The following JRK variants were observed in gnomAD, a reference collection of about 807,000 sequenced individuals.
JRK encodes the protein jerky protein homolog.
For missense variants in JRK, 720 were observed against 509.2 expected (o/e 1.41, Z -3.98); for synonymous variants, 303 against 218.1 (o/e 1.39, Z -3.43).
rs1460890092 is a variant in JRK, at chr8:142,658,483, T to A, written c.*5869A>T. The A allele has an allele frequency of 5.6e-6, 1 of 178,536 alleles. No individual in the cohort carries two copies. Among genetic ancestry groups the A allele is most frequent in the East Asian group, 1.6e-4 (1 of 6,326 alleles). 11.1% of individuals were successfully genotyped at this position (178,536 alleles called of 1,614,324 possible). On this transcript the variant is annotated 3_prime_UTR_variant, in exon 2 of 2. Coordinates refer to ENST00000612905, the MANE Select transcript of JRK (RefSeq NM_003724.4). The stretch of plus-strand genomic sequence containing the variant: ...CAATCCTAATGCCTTGGCCTTCCAG[T>A]GCTGGGATTACAGGCGTGAGCCACT...
chr8:142,666,579 GTCCTCACGACTC>G (rs1422467677), intron 1 of JRK, 59 bp from the exon 2 acceptor site: 15 of 220,230 alleles, frequency 6.8e-5, no homozygotes, highest in South Asian at 7.8e-5. Context: ...CACACATGGC[GTCCTCACGACTC>G]TCCTCACCGG....
downstream of JRK, among the ~76,000 whole-genome samples, chr8:142,654,030 TA>T (rs782425992): frequency 2.6e-5 from 4 of 152,148 alleles, no homozygotes; most frequent in Non-Finnish European, 5.9e-5. Flanking sequence ...GCAGTTACAG[TA>T]GGGCTGACTG....
chr8:142,656,320 C>T (rs587708420), downstream of JRK, among the ~76,000 whole-genome samples: 2 of 152,334 alleles, frequency 1.3e-5, no homozygotes, highest in African/African-American at 4.8e-5. Flanking sequence ...GAGCCTCTGA[C>T]TGCATCTCAG....
At position 142,659,254 on chromosome 8, in the gene JRK, G is replaced by A; in HGVS notation, c.*5098C>T. 2 of 1,089,844 alleles carry A rather than the reference G, an allele frequency of 1.8e-6. No individual in the cohort carries two copies. Among genetic ancestry groups the A allele is most frequent in the Non-Finnish European group, 2.2e-6 (2 of 893,696 alleles). The allele number at this position is 1,089,844 out of a possible 1,614,324, so 67.5% of individuals were successfully genotyped here. ...CCTCGAGAGAGGAAATGGGCCCAGGGACATGCCTTGGCTTGGGGTGGCTTA... is the reference window on the plus strand; with the variant it reads ...CCTCGAGAGAGGAAATGGGCCCAGGAACATGCCTTGGCTTGGGGTGGCTTA... On this transcript the variant is annotated 3_prime_UTR_variant, in exon 2 of 2. Transcript: ENST00000612905.
chr8:142,658,701 T>C lies in JRK; in HGVS notation c.*5651A>G. 7.4e-7 allele frequency: 1 copy of C among 1,352,032 alleles called. No individual in the cohort carries two copies. Among genetic ancestry groups the C allele is most frequent in the Non-Finnish European group, 9.7e-7 (1 of 1,026,124 alleles). 83.8% of individuals were successfully genotyped at this position (1,352,032 alleles called of 1,614,324 possible). A position where few individuals can be genotyped will look rare whatever the true frequency, so the allele number is the denominator to read the frequency against. On this transcript the variant is annotated 3_prime_UTR_variant, in exon 2 of 2. Coordinates refer to ENST00000612905, the MANE Select transcript of JRK (RefSeq NM_003724.4). Reference sequence around the variant, plus strand: ...CCTCCTGGGGGTCAGGGTTTCAACATATAAACTTTGGGGGGGGACACAAAC... The same window carrying C: ...CCTCCTGGGGGTCAGGGTTTCAACACATAAACTTTGGGGGGGGACACAAAC...
At position 142,658,825 on chromosome 8, in the gene JRK, G is replaced by A; in HGVS notation, c.*5527C>T. The A allele has an allele frequency of 1.2e-6, 2 of 1,603,174 alleles. No individual in the cohort carries two copies. The highest frequency in any genetic ancestry group is 2.2e-5 in the East Asian group (1 of 44,554). On this transcript the variant is annotated 3_prime_UTR_variant, in exon 2 of 2. Coordinates refer to ENST00000612905, the MANE Select transcript of JRK (RefSeq NM_003724.4). ...GGTGGGGACAGAGGGGTCTTACCCA[G>A]CACTGCCATGTGGCAGAAGTTCTCC...
chr8:142,669,627 G>A (rs1173918517), intron 1 of JRK, among the ~76,000 whole-genome samples: 1 of 152,114 alleles, frequency 6.6e-6, no homozygotes, highest in Non-Finnish European at 1.5e-5. Context: ...TCCGGGCTGG[G>A]GCGTCAAGGC....
chr8:142,656,428 C>A (rs962428458), downstream of JRK, among the ~76,000 whole-genome samples: 3 of 152,220 alleles, frequency 2.0e-5, no homozygotes, highest in South Asian at 6.2e-4. Flanking sequence ...TTTCCCTGAC[C>A]ACATCCAGCT....
At chr8:142,646,962 T>G in the JRK span, among the ~76,000 whole-genome samples, 1 of 152,136 alleles carries the variant, frequency 6.6e-6, no homozygotes, top group Non-Finnish European at 1.5e-5. Flanking sequence ...TAGCCCTAAG[T>G]CTGCATATTG....
chr8:142,664,896 G>A lies in JRK; in HGVS notation c.1163C>T (p.Ser388Leu), dbSNP rs587604633. ...GGAGGAGCCTTCGGCAAACGCAACCGACGGCCACAGCTTCCTCCAGGCCCG... is the reference window on the plus strand; with the variant it reads ...GGAGGAGCCTTCGGCAAACGCAACCAACGGCCACAGCTTCCTCCAGGCCCG... ...FRRAWRKLWPSVAFAEGSSSE... is the reference protein window; with the variant it reads ...FRRAWRKLWPLVAFAEGSSSE... The change falls in exon 2 of 2, where the codon TCG becomes TTG. Residue 388 changes from serine (S) to leucine (L), a missense_variant. Ser to Leu is a moderately radical substitution (Grantham distance 145). Transcript: ENST00000612905. 26 of 1,169,348 alleles carry A rather than the reference G, an allele frequency of 2.2e-5. No homozygotes were observed. The highest frequency in any genetic ancestry group is 6.0e-5 in the African/African-American group (4 of 66,420). The allele number at this position is 1,169,348 out of a possible 1,614,324, so 72.4% of individuals were successfully genotyped here.
chr8:142,667,662 C>A (rs1044199136), intron 1 of JRK, among the ~76,000 whole-genome samples: 4 of 152,190 alleles, frequency 2.6e-5, no homozygotes, highest in Non-Finnish European at 4.4e-5. Context: ...CAGCTGTGCA[C>A]CCTACGAAAA....
At chr8:142,668,411 G>A (rs1215230927) in intron 1 of JRK, among the ~76,000 whole-genome samples, 2 of 152,154 alleles carry the variant, frequency 1.3e-5, no homozygotes, top group Non-Finnish European at 2.9e-5. Flanking sequence ...TGCATTGTTC[G>A]CTGAGGGTGA....
At chr8:142,648,420 G>A in the JRK span, among the ~76,000 whole-genome samples, 93 of 152,360 alleles carry the variant, frequency 6.1e-4, no homozygotes, top group African/African-American at 1.9e-3. Context: ...GCCATACTGT[G>A]TGCAGCCTAG....
rs1309015251 is a variant in JRK at position 142,658,297 on chromosome 8, T to C, written c.*6055A>G. On this transcript the variant is annotated 3_prime_UTR_variant, in exon 2 of 2. Transcript: ENST00000612905. ...ACAACATAAATTAATTTTTCACAGA[T>C]CTGGGGACTGAAAGTCCAATATCAA... 1 of 152,228 alleles carries C rather than the reference T, an allele frequency of 6.6e-6. No homozygotes were observed. The highest frequency in any genetic ancestry group is 1.5e-5 in the Non-Finnish European group (1 of 68,094). The allele number at this position is 152,228 out of a possible 1,614,324, so 9.4% of individuals were successfully genotyped here. A position where few individuals can be genotyped will look rare whatever the true frequency, so the allele number is the denominator to read the frequency against.
At chr8:142,645,378 T>TA in the JRK span, among the ~76,000 whole-genome samples, 6 of 152,250 alleles carry the variant, frequency 3.9e-5, no homozygotes, top group East Asian at 7.7e-4. Context: ...TTTTGGTTTT[T>TA]AAAAAAATAC....
At chr8:142,668,699 A>G (rs1291783911) in intron 1 of JRK, among the ~76,000 whole-genome samples, 13 of 151,570 alleles carry the variant, frequency 8.6e-5, no homozygotes, top group Non-Finnish European at 7.4e-5. Context: ...AGGATGACAC[A>G]AAGTGGCTGA....
chr8:142,664,952 G>A lies in JRK; in HGVS notation c.1107C>T (p.Ala369=). 2 of 785,262 alleles carry A rather than the reference G, an allele frequency of 2.5e-6. No homozygotes were observed. Among genetic ancestry groups the A allele is most frequent in the Non-Finnish European group, 4.6e-6 (2 of 436,140 alleles). 48.6% of individuals were successfully genotyped at this position (785,262 alleles called of 1,614,324 possible). The part of the protein sequence containing the change: ...MNDAIFSVAC[A]WNAVPSHVFR... ...AGACGTGGCTAGGGACTGCGTTCCA[G>A]GCACAGGCCACGCTGAATATGGCAT... Residue 369 remains alanine, a synonymous_variant, in exon 2 of 2, where the codon GCC becomes GCT. Coordinates refer to ENST00000612905, the MANE Select transcript of JRK (RefSeq NM_003724.4).
downstream of JRK, among the ~76,000 whole-genome samples, chr8:142,653,474 A>AGCAGTCTTCCTGCC (rs1349118253): frequency 1.1e-4 from 16 of 152,078 alleles, no homozygotes; most frequent in Admixed American, 9.8e-4. Flanking sequence ...CCTGGGCTCA[A>AGCAGTCTTCCTGCC]GCAGTCTTCC....
At chr8:142,652,517 C>A (rs1470274054), downstream of JRK, among the ~76,000 whole-genome samples, 3 of 152,146 alleles carry the variant, frequency 2.0e-5, no homozygotes, top group Non-Finnish European at 4.4e-5. Flanking sequence ...TTCTGATTAG[C>A]CTCTCCAAAG....
Sources: allele counts gnomAD v4.1 joint callset (sites outside exome capture counted in the v4.1 genomes callset), GRCh38; gene constraint gnomAD v4.1.1; transcripts MANE v1.5; gene names NCBI Gene and HGNC (gene_info 2026-07-23, HGNC 2026-07-21).